GALNT13: variants seen among roughly 807,000 people sequenced by gnomAD.
The protein encoded by GALNT13 is UDP-GalNAc:polypeptide N-acetylgalactosaminyltransferase 13.
GALNT13 carries 28 observed loss-of-function variants against 64.2 expected under a neutral mutation model. The observed-to-expected ratio is 0.44, with a 90% CI of 0.32 to 0.60. The LOEUF (loss-of-function observed/expected upper bound fraction) is 0.60. GALNT13 is among the 20% of genes least tolerant of loss of function. GALNT13 has a pLI of 0.05. For missense variants in GALNT13, 577 were observed against 669.8 expected, an observed-to-expected ratio of 0.86 and a Z score of 1.53; for synonymous variants, 214 against 224.6, an observed-to-expected ratio of 0.95 and a Z score of 0.42.
At chr2:153,225,217 G>T in the GALNT13 span, among the ~76,000 whole-genome samples, 1 of 152,072 alleles carries the variant, frequency 6.6e-6, no homozygotes, top group Non-Finnish European at 1.5e-5. Context: ...ATAAATTAAA[G>T]AAGAAAAATC....
At chr2:154,282,018 C>G (rs570850688) in intron 8 of GALNT13, among the ~76,000 whole-genome samples, 147 of 152,200 alleles carry the variant, frequency 9.7e-4, no homozygotes, top group Middle Eastern at 3.4e-3. Context: ...TAAATTAAGA[C>G]AGAAAGTACT....
the GALNT13 span, among the ~76,000 whole-genome samples, chr2:153,675,667 A>C: frequency 1.3e-5 from 2 of 152,138 alleles, no homozygotes; most frequent in Admixed American, 6.6e-5. Context: ...CATTGTGCAC[A>C]TTTACCCTAG....
At chr2:153,560,137 C>A in the GALNT13 span, among the ~76,000 whole-genome samples, 1,498 of 152,026 alleles carry the variant, frequency 9.9e-3, 32 homozygotes, top group African/African-American at 0.034. Context: ...AGTCATGTCT[C>A]CATAAAGTAC....
At position 154,298,650 on chromosome 2, in the gene GALNT13, G is replaced by GTATATATAAATTA. The variant is rs1559075850; in HGVS notation, c.976-2753_976-2752insTAAATTATATATA. On this transcript the variant is annotated intron_variant, in intron 8 of 12. Coordinates refer to ENST00000392825, the MANE Select transcript of GALNT13 (RefSeq NM_052917.4). ...TGTATATATAATTTATATATACATT[G>GTATATATAAATTA]TATATACAATTTATATATACATTGT... Among the ~76,000 whole-genome samples, 50 of 69,586 alleles carry GTATATATAAATTA rather than the reference G, an allele frequency of 7.2e-4. 7 individuals carry two copies. The highest frequency in any genetic ancestry group is 2.4e-3 in the African/African-American group (46 of 18,906). The allele number at this position is 69,586 out of a possible 152,430, so 45.7% of individuals were successfully genotyped here. A position where few individuals can be genotyped will look rare whatever the true frequency, so the allele number is the denominator to read the frequency against.
At chr2:153,315,672 A>G in the GALNT13 span, among the ~76,000 whole-genome samples, 1 of 152,224 alleles carries the variant, frequency 6.6e-6, no homozygotes, top group South Asian at 2.1e-4. Flanking sequence ...AACATGAACA[A>G]TTATCAACCA....
At chr2:154,429,218 G>A (rs1700604993) in intron 11 of GALNT13, among the ~76,000 whole-genome samples, 1 of 152,168 alleles carries the variant, frequency 6.6e-6, no homozygotes, top group African/African-American at 2.4e-5. Context: ...ATTAAGCTTA[G>A]TGAGGAAGGT....
chr2:153,937,636 A>G (rs1162614931), intron 2 of GALNT13, among the ~76,000 whole-genome samples: 1 of 152,212 alleles, frequency 6.6e-6, no homozygotes, highest in East Asian at 1.9e-4. Context: ...ATTATATCTC[A>G]ATAAAACTTT....
At chr2:153,340,656 GA>G in the GALNT13 span, among the ~76,000 whole-genome samples, 64 of 124,798 alleles carry the variant, frequency 5.1e-4, no homozygotes, top group East Asian at 7.1e-4. Flanking sequence ...CTCCATCTCA[GA>G]AAAAAAAAAA....
At chr2:153,440,994 T>C in the GALNT13 span, among the ~76,000 whole-genome samples, 1 of 152,222 alleles carries the variant, frequency 6.6e-6, no homozygotes, top group East Asian at 1.9e-4. Flanking sequence ...GCCATTGCTT[T>C]TGGTGTTTTA....
chr2:153,236,606 G>A, the GALNT13 span, among the ~76,000 whole-genome samples: 2 of 152,164 alleles, frequency 1.3e-5, no homozygotes, highest in Non-Finnish European at 2.9e-5. Context: ...CAGCATATAT[G>A]TTTACAGTAT....
rs1558963150 is a variant in GALNT13, at chr2:154,110,354, G to GAC, written c.143-29982_143-29981insCA. On this transcript the variant is annotated intron_variant, in intron 3 of 12. Coordinates refer to ENST00000392825, the MANE Select transcript of GALNT13 (RefSeq NM_052917.4). ...ATATATATAGAGAGAGAGAGAGAGA[G>GAC]AGAGAGAGAGAGAGAGAGAGAGACA... Among the ~76,000 whole-genome samples, 11 of 92,958 alleles carry GAC rather than the reference G, an allele frequency of 1.2e-4. 1 individual carries two copies. Among genetic ancestry groups the GAC allele is most frequent in the South Asian group, 5.4e-4 (1 of 1,866 alleles). 61.0% of individuals were successfully genotyped at this position (92,958 alleles called of 152,430 possible).
intron 9 of GALNT13, among the ~76,000 whole-genome samples, chr2:154,324,796 C>T (rs116788296): frequency 1.3e-5 from 2 of 151,972 alleles, no homozygotes; most frequent in Non-Finnish European, 2.9e-5. Flanking sequence ...AGATGCTCAC[C>T]GGCAGGAGTG....
the GALNT13 span, among the ~76,000 whole-genome samples, chr2:153,213,085 C>A: frequency 6.6e-6 from 1 of 152,182 alleles, no homozygotes; most frequent in East Asian, 1.9e-4. Flanking sequence ...TGGTCAAGAA[C>A]TGTGAAGGTC....
At chr2:154,269,692 A>G (rs1573990066) in intron 8 of GALNT13, among the ~76,000 whole-genome samples, 1 of 151,472 alleles carries the variant, frequency 6.6e-6, no homozygotes, top group East Asian at 1.9e-4. Flanking sequence ...AACCTTAAAC[A>G]TATTGAAGAA....
chr2:153,897,810 C>A (rs1687981411), intron 1 of GALNT13, among the ~76,000 whole-genome samples: 1 of 152,036 alleles, frequency 6.6e-6, no homozygotes, highest in African/African-American at 2.4e-5. Context: ...TAATCCATTA[C>A]AATAATTATT....
At chr2:153,377,014 T>A in the GALNT13 span, among the ~76,000 whole-genome samples, 3 of 152,118 alleles carry the variant, frequency 2.0e-5, no homozygotes, top group African/African-American at 7.2e-5. Flanking sequence ...CCATAGTACC[T>A]CAGTGTATTT....
chr2:153,688,436 A>G, the GALNT13 span, among the ~76,000 whole-genome samples: 1 of 152,146 alleles, frequency 6.6e-6, no homozygotes, highest in South Asian at 2.1e-4. Context: ...TTAAAATAAG[A>G]TATTTTAGTA....
chr2:153,359,630 C>CCAAAAAAAA, the GALNT13 span, among the ~76,000 whole-genome samples: 1 of 38,220 alleles, frequency 2.6e-5, no homozygotes, highest in Non-Finnish European at 4.3e-5. Flanking sequence ...CAGCTTTCAG[C>CCAAAAAAAA]AAAAAAAAAA....
chr2:153,561,688 T>C, the GALNT13 span, among the ~76,000 whole-genome samples: 1 of 142,882 alleles, frequency 7.0e-6, no homozygotes, highest in Non-Finnish European at 1.5e-5. Context: ...TAATCACCAC[T>C]TAGGTTAGGT....
Sources: allele counts gnomAD v4.1 joint callset (sites outside exome capture counted in the v4.1 genomes callset), GRCh38; gene constraint gnomAD v4.1.1; transcripts MANE v1.5; gene names NCBI Gene and HGNC (gene_info 2026-07-23, HGNC 2026-07-21).